The following RASGEF1B variants were observed in gnomAD, a reference collection of about 807,000 sequenced individuals.
The protein encoded by RASGEF1B is ras-GEF domain-containing family member 1B.
A neutral mutation model predicts 65.7 loss-of-function variants in RASGEF1B; 30 were observed. That is an observed-to-expected ratio of 0.46 (90% confidence interval 0.34 to 0.62). The LOEUF is 0.62. Ranked by LOEUF, RASGEF1B falls within the 20% of genes least tolerant of loss-of-function variation. RASGEF1B has a pLI of 0.01. For synonymous variants in RASGEF1B, 175 were observed against 194.8 expected (o/e 0.90, Z 0.85); for missense variants, 495 against 580.1 (o/e 0.85, Z 1.51).
At chr4:81,436,686 T>G (rs955424024) in intron 10 of RASGEF1B, among the ~76,000 whole-genome samples, 4 of 152,212 alleles carry the variant, frequency 2.6e-5, no homozygotes, top group African/African-American at 9.7e-5. Flanking sequence ...TCTTTTAAGT[T>G]CCCTAAGCTT....
intron 13 of RASGEF1B, among the ~76,000 whole-genome samples, chr4:81,431,900 C>T (rs1352930870): frequency 2.0e-5 from 3 of 152,120 alleles, no homozygotes; most frequent in Admixed American, 2.0e-4. Flanking sequence ...AGTGGCAAAC[C>T]CAACTTTATA....
At chr4:81,445,421 A>ACAGTT in intron 8 of RASGEF1B, 105 bp downstream of exon 8, 1 of 800,834 alleles carries the variant, frequency 1.2e-6, no homozygotes, top group South Asian at 1.7e-5. Flanking sequence ...CTGGATTAAA[A>ACAGTT]AATACAGTCT....
At chr4:81,469,230 T>C (rs1722943871) in intron 1 of RASGEF1B, among the ~76,000 whole-genome samples, 1 of 152,236 alleles carries the variant, frequency 6.6e-6, no homozygotes, top group Admixed American at 6.5e-5. Context: ...TCATTTATTA[T>C]GTGTGGCATC....
chr4:81,466,488 G>A (rs566775855), intron 1 of RASGEF1B, among the ~76,000 whole-genome samples: 45 of 152,090 alleles, frequency 3.0e-4, no homozygotes, highest in Admixed American at 1.2e-3. Flanking sequence ...TGCCAGGCGC[G>A]GTGGCTCACG....
chr4:81,441,578 G>A (rs1197627862), intron 9 of RASGEF1B, among the ~76,000 whole-genome samples: 6 of 129,384 alleles, frequency 4.6e-5, no homozygotes, highest in Non-Finnish European at 8.0e-5. Context: ...GTCTCACTTT[G>A]CCACCCAGGC....
At chr4:81,431,338 T>C (rs947552894) in intron 13 of RASGEF1B, among the ~76,000 whole-genome samples, 3 of 151,708 alleles carry the variant, frequency 2.0e-5, no homozygotes, top group Non-Finnish European at 4.4e-5. Flanking sequence ...TTATATCCCA[T>C]GGCTTTAGGC....
chr4:81,447,476 A>G (rs748340515), intron 6 of RASGEF1B, 28 bp downstream of exon 6: 116 of 1,570,702 alleles, frequency 7.4e-5, no homozygotes, highest in Non-Finnish European at 5.3e-6. Flanking sequence ...TTTTGGTTTC[A>G]GTGCTGACCT....
chr4:81,441,447 T>C (rs1242783381), intron 9 of RASGEF1B, among the ~76,000 whole-genome samples: 1 of 152,188 alleles, frequency 6.6e-6, no homozygotes, highest in Non-Finnish European at 1.5e-5. Context: ...GAGAACACTT[T>C]CTTATTGTCT....
Position 81,457,531 on chromosome 4 carries a change from G to A in RASGEF1B, c.268C>T (p.His90Tyr), listed in dbSNP as rs745995486. Residue 90 changes from histidine to tyrosine, a missense_variant, in exon 3 of 14, where the codon CAC becomes TAC. Coordinates refer to ENST00000264400, the MANE Select transcript of RASGEF1B (RefSeq NM_152545.3). ...CTATCAGGATCACTTAGTCTCTGGT[G>A]CTCAACACATAAGTGGCAAACTTTG... ...MAKVCHLCVE[H>Y]QRLSDPDSDK... The A allele has an allele frequency of 6.2e-7, 1 of 1,613,998 alleles. No homozygotes were observed. Among genetic ancestry groups the A allele is most frequent in the Non-Finnish European group, 8.5e-7 (1 of 1,179,970 alleles).
chr4:81,432,872 T>C (rs1293027023), intron 12 of RASGEF1B, among the ~76,000 whole-genome samples: 1 of 152,028 alleles, frequency 6.6e-6, no homozygotes, highest in Non-Finnish European at 1.5e-5. Context: ...AAGTTTGTTA[T>C]TAGTCCTCTT....
intron 6 of RASGEF1B, among the ~76,000 whole-genome samples, chr4:81,446,467 A>G (rs1429385177): frequency 6.6e-6 from 1 of 152,224 alleles, no homozygotes; most frequent in Non-Finnish European, 1.5e-5. Context: ...TTCTGGCTGC[A>G]TTCCAAAACA....
chr4:81,458,542 A>C (rs995452675), intron 2 of RASGEF1B, among the ~76,000 whole-genome samples: 1 of 152,140 alleles, frequency 6.6e-6, no homozygotes, highest in African/African-American at 2.4e-5. Context: ...TATAAAGACA[A>C]ATGAATGTAG....
chr4:81,426,661 G>A lies in RASGEF1B; in HGVS notation c.*1107C>T, dbSNP rs139602087. The A allele has an allele frequency of 6.6e-5, 10 of 152,244 alleles. No homozygotes were observed. The highest frequency in any genetic ancestry group is 1.2e-4 in the Non-Finnish European group (8 of 68,004). 9.4% of individuals were successfully genotyped at this position (152,244 alleles called of 1,614,324 possible). On this transcript the variant is annotated 3_prime_UTR_variant, in exon 14 of 14. Transcript: ENST00000264400. ...TACTTAGATGTTTAACAAGGTGAACGATTTCACAATTAGATCAACCATTGA... is the reference window on the plus strand; with the variant it reads ...TACTTAGATGTTTAACAAGGTGAACAATTTCACAATTAGATCAACCATTGA...
intron 8 of RASGEF1B, 81 bp from the exon 9 acceptor site, chr4:81,442,457 A>G (rs1468918822): frequency 7.5e-6 from 6 of 797,204 alleles, no homozygotes; most frequent in Non-Finnish European, 1.3e-5. Flanking sequence ...ATACTTCTAA[A>G]ATACTTTCAT....
chr4:81,447,375 GAA>G, intron 6 of RASGEF1B, 127 bp downstream of exon 6: 3 of 666,514 alleles, frequency 4.5e-6, no homozygotes, highest in Non-Finnish European at 4.9e-6. Flanking sequence ...GTGGCTGATG[GAA>G]AAAAAAAATT....
chr4:81,430,276 G>T (rs1448722187), intron 13 of RASGEF1B, among the ~76,000 whole-genome samples: 1 of 152,170 alleles, frequency 6.6e-6, no homozygotes, highest in East Asian at 1.9e-4. Context: ...ACTCCAGCCT[G>T]GGCGACAGAG....
chr4:81,447,936 A>C (rs967352487), intron 5 of RASGEF1B, 133 bp downstream of exon 5: 3 of 704,270 alleles, frequency 4.3e-6, no homozygotes, highest in Non-Finnish European at 2.4e-6. Context: ...AGTATGTTTC[A>C]GCTATCTCAG....
chr4:81,447,365 G>T, intron 6 of RASGEF1B, 139 bp downstream of exon 6: 1 of 623,598 alleles, frequency 1.6e-6, no homozygotes, highest in South Asian at 2.2e-5. Flanking sequence ...TGAATCAGAC[G>T]TGGCTGATGG....
rs759159580 is a variant in RASGEF1B at position 81,445,746 on chromosome 4, A to G, written c.822T>C (p.Cys274=). 1.9e-6 allele frequency: 3 copies of G among 1,612,532 alleles called. No individual in the cohort carries two copies. The highest frequency in any genetic ancestry group is 2.5e-6 in the Non-Finnish European group (3 of 1,178,750). Residue 274 remains cysteine, a synonymous_variant, in exon 7 of 14, where the codon TGT becomes TGC. Transcript: ENST00000264400. ...RLSYLVATEI[C]MPVKKKHRAR... ...GACAGAAAATTCATTTCCTCACCATACAGATTTCTGTAGCAACCAAGTAGC... is the reference window on the plus strand; with the variant it reads ...GACAGAAAATTCATTTCCTCACCATGCAGATTTCTGTAGCAACCAAGTAGC...
Sources: allele counts gnomAD v4.1 joint callset (sites outside exome capture counted in the v4.1 genomes callset), GRCh38; gene constraint gnomAD v4.1.1; transcripts MANE v1.5; gene names NCBI Gene and HGNC (gene_info 2026-07-23, HGNC 2026-07-21).